The following TTBK1 variants were observed in gnomAD, a reference collection of about 807,000 sequenced individuals.
TTBK1 encodes tau tubulin kinase 1.
In TTBK1, 34 loss-of-function variants were observed where a neutral mutation model predicts 108.5. The ratio of observed to expected loss-of-function variants is 0.31; its 90% CI spans 0.24 to 0.42. The LOEUF (loss-of-function observed/expected upper bound fraction) is 0.42, where lower values mean the gene tolerates loss of function less well. TTBK1 is among the 10% of genes least tolerant of loss of function. The pLI, the probability that TTBK1 is intolerant of heterozygous loss-of-function variation, is 1.00. For missense variants in TTBK1, 1,539 were observed against 1,826.0 expected (o/e 0.84, Z 2.86); for synonymous variants, 809 against 795.1 (o/e 1.02, Z -0.29).
In TTBK1 at chr6:43,276,081, A is replaced by C. The variant is rs943862920; in HGVS notation, c.1987-6646A>C. On this transcript the variant is annotated intron_variant, in intron 13 of 14. Transcript: ENST00000259750. This position sits in a 1 kb window ranked among gnomAD's most constrained non-coding sequence, Gnocchi z 5.4. ...GGGGCGGAGTAGGGGAGGGATAGGA[A>C]GGGGATTAGCGAGAGGACCCTCGCG... is the stretch of plus-strand genomic sequence containing the variant. 2.6e-5 allele frequency among the ~76,000 whole-genome samples: 4 copies of C among 151,958 alleles called. No individual in the cohort carries two copies. Among genetic ancestry groups the C allele is most frequent in the African/African-American group, 9.7e-5 (4 of 41,356 alleles).
At position 43,285,189 on chromosome 6, in the gene TTBK1, C is replaced by T. The variant is rs1364367408; in HGVS notation, c.3779C>T (p.Pro1260Leu). ...CAGTCCCTGTCCCGCAGAGAGAGCC[C>T]CTCCCCCTCGCACCAGGCCCGGCCC... ...RSQSLSRRES[P>L]SPSHQARPGV... is the part of the protein sequence containing the mutation. Residue 1260 changes from proline (P) to leucine (L), a missense_variant, in exon 15 of 15, where the codon CCC becomes CTC. This residue lies in a region of TTBK1 where 1,055 missense variants were observed against 1,086.5 expected (regional missense o/e 0.97). Coordinates refer to ENST00000259750, the MANE Select transcript of TTBK1 (RefSeq NM_032538.3). The surrounding 1 kb of genome is among the most constrained non-coding windows in gnomAD (Gnocchi z 4.7). 6 of 1,364,682 alleles carry T rather than the reference C, an allele frequency of 4.4e-6. No individual in the cohort carries two copies. The African/African-American group carries it at 6.1e-5, about 14-fold the overall frequency. 84.5% of individuals were successfully genotyped at this position (1,364,682 alleles called of 1,614,324 possible).
rs1187776336 is a variant in TTBK1, at chr6:43,276,169, C to G, written c.1987-6558C>G. Among the ~76,000 whole-genome samples the G allele has an allele frequency of 6.6e-6, 1 of 152,260 alleles. No individual in the cohort carries two copies. Among genetic ancestry groups the G allele is most frequent in the South Asian group, 2.1e-4 (1 of 4,828 alleles). On this transcript the variant is annotated intron_variant, in intron 13 of 14. Transcript: ENST00000259750. The surrounding 1 kb of genome is among the most constrained non-coding windows in gnomAD (Gnocchi z 5.4). ...CCCCTCCCATCGTAAGTCCTTCCCT[C>G]GACCCCCCATTTTGTACTGCAATAA...
At chr6:43,271,529 C>G in intron 13 of TTBK1, 1 of 985,364 alleles carries the variant, frequency 1.0e-6, no homozygotes, top group African/African-American at 1.7e-5. Context: ...CTCTTCTACC[C>G]CTCTCTCCCT....
rs1238049963 is a variant in TTBK1, at chr6:43,286,358, C to T, written c.*982C>T. On this transcript the variant is annotated 3_prime_UTR_variant, in exon 15 of 15. Coordinates refer to ENST00000259750, the MANE Select transcript of TTBK1 (RefSeq NM_032538.3). The surrounding 1 kb of genome is among the most constrained non-coding windows in gnomAD (Gnocchi z 4.6). The stretch of plus-strand genomic sequence containing the variant: ...TCAGTCCTGCCTACTGCAGTTCCAG[C>T]CAACCTGCTCTTTCCTGAGTTCAAA... 6.5e-6 allele frequency: 1 copy of T among 152,752 alleles called. No homozygotes were observed. Among genetic ancestry groups the T allele is most frequent in the Non-Finnish European group, 1.5e-5 (1 of 68,134 alleles). 9.5% of individuals were successfully genotyped at this position (152,752 alleles called of 1,614,324 possible). A position where few individuals can be genotyped will look rare whatever the true frequency, so the allele number is the denominator to read the frequency against.
rs992794308 is a variant in TTBK1 at position 43,273,647 on chromosome 6, C to T, written c.1987-9080C>T. Among the ~76,000 whole-genome samples, 1 of 152,184 alleles carries T rather than the reference C, an allele frequency of 6.6e-6. No homozygotes were observed. The highest frequency in any genetic ancestry group is 1.5e-5 in the Non-Finnish European group (1 of 68,044). On this transcript the variant is annotated intron_variant, in intron 13 of 14. Transcript: ENST00000259750. The surrounding 1 kb of genome is among the most constrained non-coding windows in gnomAD (Gnocchi z 4.2). ...TACATCAACAAGATCCAAACAGTGT[C>T]AGGGAAGTGGCAGGTTCAGGGACTG...
At chr6:43,270,870 C>G (rs1777816844) in intron 13 of TTBK1, 1 of 985,490 alleles carries the variant, frequency 1.0e-6, no homozygotes. Context: ...AGGACAAATC[C>G]CAGGCGGGAG....
rs1490161732 is a variant in TTBK1, at chr6:43,272,539, C to T, written c.1986+9189C>T. 4 of 985,300 alleles carry T rather than the reference C, an allele frequency of 4.1e-6. No individual in the cohort carries two copies. In the African/African-American group the frequency reaches 7.0e-5, roughly 17 times the overall value. The allele number at this position is 985,300 out of a possible 1,614,324, so 61.0% of individuals were successfully genotyped here. ...TTTAAAGCAAGGCCATGGTTCAAAG[C>T]ATGTTGTCCTTTAGGGGGACATCCT... On this transcript the variant is annotated intron_variant, in intron 13 of 14. Transcript: ENST00000259750.
chr6:43,274,117 C>G (rs1182550238), intron 13 of TTBK1, among the ~76,000 whole-genome samples: 2 of 152,188 alleles, frequency 1.3e-5, no homozygotes, highest in African/African-American at 4.8e-5. Flanking sequence ...GGGTCCGTGA[C>G]AAATGCGCTA....
At position 43,283,612 on chromosome 6, in the gene TTBK1, G is replaced by A; in HGVS notation, c.2872G>A (p.Gly958Ser). 6.2e-7 allele frequency: 1 copy of A among 1,614,146 alleles called. No individual in the cohort carries two copies. The highest frequency in any genetic ancestry group is 8.5e-7 in the Non-Finnish European group (1 of 1,179,996). ...GCGGTCTGAGGAGTTCAGCGCTGGG[G>A]GCGAGCTGGGTCTGGAGCTGGCCTC... is the stretch of plus-strand genomic sequence containing the variant. ...ALRSEEFSAGGELGLELASDG... is the reference protein window; with the variant it reads ...ALRSEEFSAGSELGLELASDG... Residue 958 changes from glycine to serine, a missense_variant, in exon 14 of 15, where the codon GGC becomes AGC. Gly to Ser is a moderately conservative substitution (Grantham distance 56). Coordinates refer to ENST00000259750, the MANE Select transcript of TTBK1 (RefSeq NM_032538.3). The surrounding 1 kb of genome is among the most constrained non-coding windows in gnomAD (Gnocchi z 8.1).
At position 43,287,468 on chromosome 6, in the gene TTBK1, C is replaced by T. The variant is rs1375589448; in HGVS notation, c.*2092C>T. 1 of 152,578 alleles carries T rather than the reference C, an allele frequency of 6.6e-6. No individual in the cohort carries two copies. The highest frequency in any genetic ancestry group is 1.5e-5 in the Non-Finnish European group (1 of 68,112). The allele number at this position is 152,578 out of a possible 1,614,324, so 9.5% of individuals were successfully genotyped here. ...GAGGAAGAAGGGGGCCTGAGAGAGC[C>T]CCAGGTCCATTCTACCCCCAGCTTC... On this transcript the variant is annotated 3_prime_UTR_variant, in exon 15 of 15. Transcript: ENST00000259750. This position sits in a 1 kb window ranked among gnomAD's most constrained non-coding sequence, Gnocchi z 4.1.
At chr6:43,284,748 C>G (rs1242825742) in intron 14 of TTBK1, among the ~76,000 whole-genome samples, 1 of 152,074 alleles carries the variant, frequency 6.6e-6, no homozygotes, top group Non-Finnish European at 1.5e-5. Flanking sequence ...ATGAGGACCC[C>G]AAAGAAAGCC....
intron 13 of TTBK1, chr6:43,271,185 G>C: frequency 3.0e-6 from 3 of 985,508 alleles, no homozygotes; most frequent in Non-Finnish European, 3.6e-6. Context: ...GTGCCTGTAT[G>C]GGGAGGGGAG....
intron 1 of TTBK1, among the ~76,000 whole-genome samples, chr6:43,245,789 T>A (rs1349466229): frequency 6.6e-6 from 1 of 152,324 alleles, no homozygotes; most frequent in East Asian, 1.9e-4. Context: ...TCTCACCCCA[T>A]GCCCACCCAG....
At position 43,283,493 on chromosome 6, in the gene TTBK1, T is replaced by C; in HGVS notation, c.2753T>C (p.Val918Ala). 6.2e-7 allele frequency: 1 copy of C among 1,614,096 alleles called. No homozygotes were observed. Among genetic ancestry groups the C allele is most frequent in the Non-Finnish European group, 8.5e-7 (1 of 1,179,960 alleles). ...ACCACAGGGGTCGGGGGCGTGGCAG[T>C]CACCTCCTCACCCTTCACCAAAGTT... ...TVTTGVGGVA[V>A]TSSPFTKVER... The change falls in exon 14 of 15, where the codon GTC (valine) becomes GCC (alanine). Residue 918 changes from valine to alanine, a missense_variant. Val to Ala is a moderately conservative substitution (Grantham distance 64, BLOSUM62 0). Around this residue, in one of 5 missense-constraint regions of TTBK1, gnomAD observed 1,055 missense variants for 1,086.5 expected, o/e 0.97. Coordinates refer to ENST00000259750, the MANE Select transcript of TTBK1 (RefSeq NM_032538.3). This position sits in a 1 kb window ranked among gnomAD's most constrained non-coding sequence, Gnocchi z 8.1.
At chr6:43,272,488 T>G in intron 13 of TTBK1, 1 of 985,456 alleles carries the variant, frequency 1.0e-6, no homozygotes, top group Non-Finnish European at 1.2e-6. Flanking sequence ...ACCTCAGAAC[T>G]GACACCTGTG....
chr6:43,280,084 C>T (rs561717761), intron 13 of TTBK1, among the ~76,000 whole-genome samples: 1 of 139,908 alleles, frequency 7.1e-6, no homozygotes, highest in African/African-American at 2.5e-5. Flanking sequence ...AACAGGGTTG[C>T]TGGGGTCCTG....
intron 12 of TTBK1, among the ~76,000 whole-genome samples, chr6:43,260,280 T>C (rs1387054949): frequency 6.6e-6 from 1 of 152,076 alleles, no homozygotes; most frequent in African/African-American, 2.4e-5. Context: ...TGACCTCGGA[T>C]GGTGGGTGGA....
chr6:43,246,069 G>A (rs1318917682), intron 1 of TTBK1, among the ~76,000 whole-genome samples: 1 of 152,146 alleles, frequency 6.6e-6, no homozygotes, highest in African/African-American at 2.4e-5. Context: ...CACCCTCAAG[G>A]GGCTTTAGTG....
Position 43,259,314 on chromosome 6 carries a change from C to T in TTBK1, c.1248+45C>T. ...AGGGCGTGGGTGGCCTTTTCTCTCA[C>T]CCCCGATTCCCAGCCTTGTGCCCCT... On this transcript the variant is annotated intron_variant, in intron 11 of 14. Coordinates refer to ENST00000259750, the MANE Select transcript of TTBK1 (RefSeq NM_032538.3). This position sits in a 1 kb window ranked among gnomAD's most constrained non-coding sequence, Gnocchi z 6.7. 6.8e-7 allele frequency: 1 copy of T among 1,467,682 alleles called. No individual in the cohort carries two copies. Among genetic ancestry groups the T allele is most frequent in the Non-Finnish European group, 9.2e-7 (1 of 1,088,214 alleles). The allele number at this position is 1,467,682 out of a possible 1,614,324, so 90.9% of individuals were successfully genotyped here.
Sources: gnomAD v4.1 joint callset for allele counts (sites outside exome capture counted in the v4.1 genomes callset) on GRCh38, gnomAD v4.1.1 for gene constraint, gnomAD v4.1.1 regional missense constraint, Gnocchi (gnomAD v3.1) non-coding constraint, MANE v1.5 for transcripts, NCBI Gene and HGNC (gene_info 2026-07-23, HGNC 2026-07-21) for gene names.